The following MELTF variants were observed in gnomAD, a reference collection of about 807,000 sequenced individuals.
MELTF encodes the protein antigen p97 (melanoma associated) identified by monoclonal antibodies 133.2 and 96.5.
Under a neutral mutation model 83.7 loss-of-function variants are expected in MELTF, and 67 were observed. The observed-to-expected ratio is 0.80, with a 90% confidence interval of 0.66 to 0.98. The LOEUF (loss-of-function observed/expected upper bound fraction) is 0.98. Ranked by LOEUF, MELTF falls within the 50% of genes least tolerant of loss-of-function variation. The pLI, the probability that MELTF is intolerant of heterozygous loss-of-function variation, is 0.00. For missense variants in MELTF, 1,002 were observed against 1,035.6 expected (o/e 0.97, Z 0.44); for synonymous variants, 462 against 447.6 (o/e 1.03, Z -0.41).
chr3:197,006,656 C>T lies in MELTF; in HGVS notation c.1831G>A (p.Val611Met), dbSNP rs199914653. 1.1e-5 allele frequency: 17 copies of T among 1,605,652 alleles called. No homozygotes were observed. The Admixed American group carries it at 2.9e-4, about 27-fold the overall frequency. Residue 611 changes from valine (V) to methionine (M), a missense_variant, in exon 14 of 16, where the codon GTG becomes ATG. By Grantham distance (21) the Val-to-Met change is conservative (BLOSUM62 1). Coordinates refer to ENST00000296350, the MANE Select transcript of MELTF (RefSeq NM_005929.6). This position sits in a 1 kb window ranked among gnomAD's most constrained non-coding sequence, Gnocchi z 5.4. ...AGGTTGCAGGCTGCAAACTGGGACA[C>T]CTCGGCTCGGGCCCCGTTGGGGCAC... ...LLCPNGARAE[V>M]SQFAACNLAQ...
At position 197,024,470 on chromosome 3, in the gene MELTF, TAGG is replaced by T; in HGVS notation, c.317_319del (p.Ser106del). 1 of 1,589,874 alleles carries T rather than the reference TAGG, an allele frequency of 6.3e-7. No individual in the cohort carries two copies. Among genetic ancestry groups the T allele is most frequent in the East Asian group, 2.3e-5 (1 of 44,306 alleles). On this transcript the variant is annotated inframe_deletion, in exon 4 of 16. Coordinates refer to ENST00000296350, the MANE Select transcript of MELTF (RefSeq NM_005929.6). The surrounding 1 kb of genome is among the most constrained non-coding windows in gnomAD (Gnocchi z 5.3). ...CCTCCTGACCACAGCCACGGCGTAA[TAGG>T]AGGTACCGACCTCTAGGAGGGGAGG...
rs1560221939 is a variant in MELTF, at chr3:197,022,967, C to CGCTGT, written c.629_633dup (p.Gly212ThrfsTer18). ...CCCCACTCCGCTCACCGGAAGGCCC[C>CGCTGT]GCTGTAGTCGTAGTATCTCTCCAGG... On this transcript the variant is annotated frameshift_variant, in exon 5 of 16. Coordinates refer to ENST00000296350, the MANE Select transcript of MELTF (RefSeq NM_005929.6). LOFTEE classifies it high-confidence loss of function. This position sits in a 1 kb window ranked among gnomAD's most constrained non-coding sequence, Gnocchi z 5.1. 1 of 1,609,410 alleles carries CGCTGT rather than the reference C, an allele frequency of 6.2e-7. No individual in the cohort carries two copies. Among genetic ancestry groups the CGCTGT allele is most frequent in the East Asian group, 2.2e-5 (1 of 44,588 alleles).
At chr3:197,026,442 C>T in intron 3 of MELTF, 2 of 568,490 alleles carry the variant, frequency 3.5e-6, no homozygotes, top group East Asian at 2.9e-5. Context: ...CTGCTGGGCT[C>T]CCTGCGGGCA....
Position 197,010,747 on chromosome 3 carries a change from C to T in MELTF, c.1281G>A (p.Thr427=), listed in dbSNP as rs143051463. The change falls in exon 10 of 16, where the codon ACG becomes ACA. Residue 427 remains threonine (T), a synonymous_variant. Transcript: ENST00000296350. ...AVTLSGEDIY[T]AGKTYGLVPA... ...GAACCAGGCCGTACGTCTTCCCCGC[C>T]GTGTAAATGTCCTCGCCACTCAGGG... is the stretch of plus-strand genomic sequence containing the variant. 1.5e-4 allele frequency: 239 copies of T among 1,613,624 alleles called. 2 individuals are homozygous for T. Among genetic ancestry groups the T allele is most frequent in the Non-Finnish European group, 1.8e-4 (208 of 1,180,036 alleles).
At position 197,010,814 on chromosome 3, in the gene MELTF, C is replaced by A. The variant is rs747270158; in HGVS notation, c.1234-20G>T. On this transcript the variant is annotated intron_variant, in intron 9 of 15. Coordinates refer to ENST00000296350, the MANE Select transcript of MELTF (RefSeq NM_005929.6). ...CTCAGCCTGAAGGGAATAGAAGAAGCCACTGGGCCGGGGTGGGCCCAGGAT... is the reference window on the plus strand; with the variant it reads ...CTCAGCCTGAAGGGAATAGAAGAAGACACTGGGCCGGGGTGGGCCCAGGAT... 6.8e-6 allele frequency: 11 copies of A among 1,611,254 alleles called. No individual in the cohort carries two copies. Among genetic ancestry groups the A allele is most frequent in the Non-Finnish European group, 9.3e-6 (11 of 1,178,640 alleles).
chr3:197,010,256 C>G (rs1330673991), intron 10 of MELTF, among the ~76,000 whole-genome samples: 1 of 152,246 alleles, frequency 6.6e-6, no homozygotes, highest in Non-Finnish European at 1.5e-5. Context: ...GCCCAGGCCC[C>G]TGAGAAGGTG....
intron 6 of MELTF, 108 bp from the exon 7 acceptor site, chr3:197,017,398 G>A: frequency 9.7e-7 from 1 of 1,031,828 alleles, no homozygotes; most frequent in East Asian, 2.7e-5. Context: ...TCATGGACAT[G>A]AGAACCCAGC....
Position 197,029,286 on chromosome 3 carries a change from A to C in MELTF, c.49+368T>G. On this transcript the variant is annotated intron_variant, in intron 1 of 15. Transcript: ENST00000296350. The surrounding 1 kb of genome is among the most constrained non-coding windows in gnomAD (Gnocchi z 6.5). ...GAATCTTCTCCCGCGGGGGCTCGGG[A>C]GAAAGAGCTGCTCCGAGCCCCCAAA... 4.9e-6 allele frequency: 1 copy of C among 205,384 alleles called. No homozygotes were observed. The highest frequency in any genetic ancestry group is 9.7e-6 in the Non-Finnish European group (1 of 102,976). The allele number at this position is 205,384 out of a possible 1,614,324, so 12.7% of individuals were successfully genotyped here.
chr3:197,029,734 G>A lies in MELTF; in HGVS notation c.-32C>T. 8.1e-7 allele frequency: 1 copy of A among 1,229,484 alleles called. No individual in the cohort carries two copies. The highest frequency in any genetic ancestry group is 1.0e-6 in the Non-Finnish European group (1 of 985,690). The allele number at this position is 1,229,484 out of a possible 1,614,324, so 76.2% of individuals were successfully genotyped here. ...GTCGGGGCTGGCTGGGGCCGGGCTG[G>A]GGCTGGGTCCGGGTCCGAGGAGGTC... On this transcript the variant is annotated 5_prime_UTR_variant, in exon 1 of 16. Coordinates refer to ENST00000296350, the MANE Select transcript of MELTF (RefSeq NM_005929.6). The surrounding 1 kb of genome is among the most constrained non-coding windows in gnomAD (Gnocchi z 6.5).
In MELTF at chr3:197,003,155, G is replaced by A. The variant is rs1181577401; in HGVS notation, c.*217C>T. On this transcript the variant is annotated 3_prime_UTR_variant, in exon 16 of 16. Transcript: ENST00000296350. This position sits in a 1 kb window ranked among gnomAD's most constrained non-coding sequence, Gnocchi z 6.2. ...GCGGCCCGCGCGGCTCCAGGTGGCG[G>A]GAGGCGGCGGTTGGCGGGAAGGGCC... is the stretch of plus-strand genomic sequence containing the variant. 2 of 318,072 alleles carry A rather than the reference G, an allele frequency of 6.3e-6. No individual in the cohort carries two copies. Among genetic ancestry groups the A allele is most frequent in the South Asian group, 1.2e-4 (1 of 8,074 alleles). 19.7% of individuals were successfully genotyped at this position (318,072 alleles called of 1,614,324 possible). A position where few individuals can be genotyped will look rare whatever the true frequency, so the allele number is the denominator to read the frequency against.
rs527882064 is a variant in MELTF, at chr3:197,027,585, C to A, written c.204+171G>T. ...TCCTCCTGAGGCTCCCACCTCCTGGCCTGGGCCCGGCGGGAGGCAAGCTGG... is the reference window on the plus strand; with the variant it reads ...TCCTCCTGAGGCTCCCACCTCCTGGACTGGGCCCGGCGGGAGGCAAGCTGG... On this transcript the variant is annotated intron_variant, in intron 2 of 15. Coordinates refer to ENST00000296350, the MANE Select transcript of MELTF (RefSeq NM_005929.6). Among the ~76,000 whole-genome samples the A allele has an allele frequency of 8.1e-4, 124 of 152,376 alleles. 2 individuals are homozygous for A. In the East Asian group the frequency reaches 0.013, roughly 16 times the overall value.
chr3:197,006,220 T>G lies in MELTF; in HGVS notation c.1938+329A>C, dbSNP rs1389374227. Among the ~76,000 whole-genome samples, 2 of 148,662 alleles carry G rather than the reference T, an allele frequency of 1.3e-5. No homozygotes were observed. Among genetic ancestry groups the G allele is most frequent in the Non-Finnish European group, 3.0e-5 (2 of 67,308 alleles). The stretch of plus-strand genomic sequence containing the variant: ...TGGGGCGACAGAGTAAGACTCCGTC[T>G]CAAAAAAAAAAGAAAAAAAGGGAGC... On this transcript the variant is annotated intron_variant, in intron 14 of 15. Coordinates refer to ENST00000296350, the MANE Select transcript of MELTF (RefSeq NM_005929.6). This position sits in a 1 kb window ranked among gnomAD's most constrained non-coding sequence, Gnocchi z 5.4.
chr3:197,017,414 G>T, intron 6 of MELTF, 124 bp from the exon 7 acceptor site: 1 of 875,662 alleles, frequency 1.1e-6, no homozygotes. Context: ...CCAGCATTCA[G>T]AAGGTGGCAG....
Position 197,024,478 on chromosome 3 carries a change from A to C in MELTF, c.312T>G (p.Gly104=). ...CCACAGCCACGGCGTAATAGGAGGT[A>C]CCGACCTCTAGGAGGGGAGGGGAGT... ...VVGEVYDQEV[G]TSYYAVAVVR... is the part of the protein sequence containing the mutation. Residue 104 remains glycine (G), a synonymous_variant, in exon 4 of 16, where the codon GGT becomes GGG. Coordinates refer to ENST00000296350, the MANE Select transcript of MELTF (RefSeq NM_005929.6). This position sits in a 1 kb window ranked among gnomAD's most constrained non-coding sequence, Gnocchi z 5.3. 1 of 1,579,570 alleles carries C rather than the reference A, an allele frequency of 6.3e-7. No individual in the cohort carries two copies. Among genetic ancestry groups the C allele is most frequent in the Non-Finnish European group, 8.7e-7 (1 of 1,155,862 alleles).
At chr3:197,015,708 G>A (rs188442299) in intron 8 of MELTF, among the ~76,000 whole-genome samples, 192 bp from the exon 9 acceptor site, 3 of 152,334 alleles carry the variant, frequency 2.0e-5, no homozygotes, top group South Asian at 2.1e-4. Flanking sequence ...CATGGCTGGC[G>A]TGCATGTAAC....
intron 9 of MELTF, among the ~76,000 whole-genome samples, 153 bp downstream of exon 9, chr3:197,015,212 C>T (rs1719318222): frequency 1.3e-5 from 2 of 151,698 alleles, no homozygotes; most frequent in South Asian, 4.2e-4. Context: ...GGGTGCTGGC[C>T]CCTGCGGTCG....
chr3:197,015,579 G>C, intron 8 of MELTF, 63 bp from the exon 9 acceptor site: 1 of 1,518,612 alleles, frequency 6.6e-7, no homozygotes, highest in South Asian at 1.2e-5. Flanking sequence ...GCATGGAGTC[G>C]GACCCAAGGG....
chr3:197,028,088 C>A, intron 1 of MELTF, 178 bp from the exon 2 acceptor site: 1 of 697,866 alleles, frequency 1.4e-6, no homozygotes, highest in Non-Finnish European at 2.3e-6. Flanking sequence ...GGCTGGTATT[C>A]CTGTGCTCAG....
At chr3:197,027,426 C>T (rs1719899963) in intron 2 of MELTF, among the ~76,000 whole-genome samples, 1 of 152,236 alleles carries the variant, frequency 6.6e-6, no homozygotes, top group Non-Finnish European at 1.5e-5. Context: ...TTCTGGAGAG[C>T]CCCATGGCAA....
Sources: gnomAD v4.1 joint callset for allele counts (sites outside exome capture counted in the v4.1 genomes callset) on GRCh38, gnomAD v4.1.1 for gene constraint, Gnocchi (gnomAD v3.1) non-coding constraint, MANE v1.5 for transcripts, NCBI Gene and HGNC (gene_info 2026-07-23, HGNC 2026-07-21) for gene names.